Variants in ATP10B observed in about 807,000 individuals in gnomAD.
ATP10B encodes the protein ATPase phospholipid transporting 10B (putative).
A neutral mutation model predicts 141.2 loss-of-function variants in ATP10B; 122 were observed. The observed-to-expected ratio is 0.86, with a 90% CI of 0.75 to 1.00. ATP10B has a LOEUF of 1.00. ATP10B is among the 50% of genes least tolerant of loss of function. The probability of loss-of-function intolerance (pLI) is 0.00; values close to 1 mark genes in which losing one functional copy is unlikely to be tolerated. For synonymous variants in ATP10B, 685 were observed against 692.0 expected (o/e 0.99, Z 0.16); for missense variants, 1,876 against 1,825.3 (o/e 1.03, Z -0.51).
At chr5:160,890,410 A>C in the ATP10B span, among the ~76,000 whole-genome samples, 1 of 152,170 alleles carries the variant, frequency 6.6e-6, no homozygotes, top group Non-Finnish European at 1.5e-5. Context: ...TTTATCCCAA[A>C]GAAAGAAACC....
intron 25 of ATP10B, 91 bp from the exon 26 acceptor site, chr5:160,565,991 C>G: frequency 8.1e-7 from 1 of 1,236,626 alleles, no homozygotes; most frequent in Non-Finnish European, 1.1e-6. Flanking sequence ...ATCCAACTCC[C>G]TGCCTGGAGC....
chr5:160,722,104 T>C (rs1189705988), intron 2 of ATP10B, among the ~76,000 whole-genome samples: 1 of 152,234 alleles, frequency 6.6e-6, no homozygotes, highest in Non-Finnish European at 1.5e-5. Flanking sequence ...CATAAGTGGC[T>C]GTTAACTAAA....
intron 13 of ATP10B, among the ~76,000 whole-genome samples, chr5:160,625,284 C>T (rs750806388): frequency 2.0e-5 from 3 of 152,192 alleles, no homozygotes; most frequent in Non-Finnish European, 4.4e-5. Flanking sequence ...TTGCTACCAC[C>T]CAGGGTCTTT....
chr5:160,762,243 A>G (rs1487082393), intron 2 of ATP10B, among the ~76,000 whole-genome samples: 1 of 152,220 alleles, frequency 6.6e-6, no homozygotes, highest in Non-Finnish European at 1.5e-5. Flanking sequence ...CGCAGAGATC[A>G]TTACCTAGGC....
chr5:160,647,716 C>T (rs1401870241), intron 8 of ATP10B, among the ~76,000 whole-genome samples: 2 of 152,140 alleles, frequency 1.3e-5, no homozygotes, highest in Non-Finnish European at 2.9e-5. Context: ...CAAGGGGCGC[C>T]CTTCTCTTCA....
At chr5:160,579,444 TTC>T (rs1231587364) in intron 24 of ATP10B, among the ~76,000 whole-genome samples, 1 of 152,236 alleles carries the variant, frequency 6.6e-6, no homozygotes, top group African/African-American at 2.4e-5. Flanking sequence ...CATTGCTTGT[TTC>T]TGTCAGAGTT....
At chr5:160,923,499 A>G in the ATP10B span, among the ~76,000 whole-genome samples, 1 of 152,260 alleles carries the variant, frequency 6.6e-6, no homozygotes, top group African/African-American at 2.4e-5. Flanking sequence ...GGACGCTGTG[A>G]AAGTGTTATC....
chr5:160,578,262 A>AG (rs1755320257), intron 24 of ATP10B, among the ~76,000 whole-genome samples: 1 of 152,236 alleles, frequency 6.6e-6, no homozygotes, highest in East Asian at 1.9e-4. Context: ...TTTGTTACGT[A>AG]GGCATACACG....
chr5:160,587,224 A>C (rs1349503289), intron 24 of ATP10B, among the ~76,000 whole-genome samples: 1 of 152,154 alleles, frequency 6.6e-6, no homozygotes, highest in Non-Finnish European at 1.5e-5. Flanking sequence ...TCTTTTCCCC[A>C]TTGCTAGTTT....
chr5:160,830,547 T>C (rs562182981), intron 1 of ATP10B, among the ~76,000 whole-genome samples: 9 of 152,250 alleles, frequency 5.9e-5, no homozygotes, highest in African/African-American at 2.2e-4. Context: ...TGTAGATTGA[T>C]TTGAGCCTTA....
chr5:160,885,774 A>C, the ATP10B span, among the ~76,000 whole-genome samples: 1 of 152,212 alleles, frequency 6.6e-6, no homozygotes, highest in Non-Finnish European at 1.5e-5. Flanking sequence ...TAAGCTATTG[A>C]AGAAAATATC....
At chr5:160,717,987 T>TG (rs1300405022) in intron 2 of ATP10B, among the ~76,000 whole-genome samples, 2 of 152,134 alleles carry the variant, frequency 1.3e-5, no homozygotes, top group African/African-American at 4.8e-5. Flanking sequence ...GGATCTCAGT[T>TG]GGGGGGCCAC....
chr5:160,758,082 A>G (rs1200468724), intron 2 of ATP10B, among the ~76,000 whole-genome samples: 1 of 152,172 alleles, frequency 6.6e-6, no homozygotes, highest in Non-Finnish European at 1.5e-5. Context: ...TAGCAGGGGG[A>G]AATTAATCAT....
At chr5:160,599,927 C>T (rs1242623173) in intron 21 of ATP10B, among the ~76,000 whole-genome samples, 3 of 152,178 alleles carry the variant, frequency 2.0e-5, no homozygotes, top group Non-Finnish European at 4.4e-5. Context: ...AATCATTCAG[C>T]AGGTTTGTGT....
In ATP10B at chr5:160,806,872, T is replaced by TGCA. The variant is rs542623639; in HGVS notation, c.-575-21072_-575-21070dup. On this transcript the variant is annotated intron_variant, in intron 1 of 25. Coordinates refer to ENST00000327245, the MANE Select transcript of ATP10B (RefSeq NM_025153.3). ...CTGCCTTCTAGAATTCACCATCTTT[T>TGCA]GCAGATGTTTATGGCAACAGAGCAC... Among the ~76,000 whole-genome samples, 29 of 152,242 alleles carry TGCA rather than the reference T, an allele frequency of 1.9e-4. 1 individual carries two copies. Among genetic ancestry groups the TGCA allele is most frequent in the Admixed American group, 5.2e-4 (8 of 15,282 alleles).
rs138107614 is a variant in ATP10B at position 160,741,341 on chromosome 5, T to A, written c.-330-24307A>T. Among the ~76,000 whole-genome samples the A allele has an allele frequency of 2.0e-5, 3 of 152,340 alleles. No homozygotes were observed. In the East Asian group the frequency reaches 5.8e-4, roughly 29 times the overall value. ...GCCATTAGTCAATATATCTAGTCTC[T>A]CTATGAAGTCCAAAAGGAGGATGGG... is the stretch of plus-strand genomic sequence containing the variant. On this transcript the variant is annotated intron_variant, in intron 2 of 25. Coordinates refer to ENST00000327245, the MANE Select transcript of ATP10B (RefSeq NM_025153.3).
At chr5:160,624,356 A>G (rs1758504576) in intron 13 of ATP10B, among the ~76,000 whole-genome samples, 1 of 152,198 alleles carries the variant, frequency 6.6e-6, no homozygotes, top group South Asian at 2.1e-4. Context: ...AGAATGGAGC[A>G]CACACTCTTC....
intron 6 of ATP10B, among the ~76,000 whole-genome samples, chr5:160,679,974 G>A (rs1763271200): frequency 6.6e-6 from 1 of 152,122 alleles, no homozygotes; most frequent in South Asian, 2.1e-4. Context: ...ATCTCTCCTC[G>A]AAGTCATTCC....
intron 1 of ATP10B, among the ~76,000 whole-genome samples, chr5:160,835,224 A>G (rs1775344941): frequency 6.6e-6 from 1 of 152,182 alleles, no homozygotes; most frequent in Admixed American, 6.6e-5. Flanking sequence ...AGAGAGACAA[A>G]GCAGCAAAAT....
Sources: gnomAD v4.1 joint callset for allele counts (sites outside exome capture counted in the v4.1 genomes callset) on GRCh38, gnomAD v4.1.1 for gene constraint, MANE v1.5 for transcripts, NCBI Gene and HGNC (gene_info 2026-07-23, HGNC 2026-07-21) for gene names.